ARID1A: variants seen among roughly 807,000 people sequenced by gnomAD.
ARID1A encodes AT-rich interaction domain 1A, also known as AT-rich interactive domain-containing protein 1A.
A neutral mutation model predicts 212.6 loss-of-function variants in ARID1A; 20 were observed. That is an observed-to-expected ratio of 0.09 (90% CI 0.07 to 0.14). The LOEUF is 0.14. Ranked by LOEUF, ARID1A falls within the 10% of genes least tolerant of loss-of-function variation. The probability of loss-of-function intolerance (pLI) is 1.00; values close to 1 mark genes in which losing one functional copy is unlikely to be tolerated. For missense variants in ARID1A, 2,587 were observed against 3,059.0 expected, an observed-to-expected ratio of 0.85 and a Z score of 3.64; for synonymous variants, 1,376 against 1,222.1, an observed-to-expected ratio of 1.13 and a Z score of -2.63.
chr1:26,715,568 G>T (rs2080494988), intron 1 of ARID1A, among the ~76,000 whole-genome samples: 1 of 152,126 alleles, frequency 6.6e-6, no homozygotes, highest in Non-Finnish European at 1.5e-5. Flanking sequence ...CATATATTGG[G>T]ATGCAGTATA....
intron 1 of ARID1A, among the ~76,000 whole-genome samples, chr1:26,715,655 A>C (rs2080495735): frequency 6.6e-6 from 1 of 152,194 alleles, no homozygotes; most frequent in African/African-American, 2.4e-5. Context: ...TTTTAGGATA[A>C]GAACTTTTTA....
chr1:26,739,946 C>G (rs1049087808), intron 4 of ARID1A, among the ~76,000 whole-genome samples: 6 of 151,030 alleles, frequency 4.0e-5, no homozygotes, highest in Non-Finnish European at 8.8e-5. Flanking sequence ...TTCCTCTTTT[C>G]CTTCCAAGTC....
Position 26,696,727 on chromosome 1 carries a change from C to T in ARID1A, c.324C>T (p.Gly108=), listed in dbSNP as rs1044003329. 1.7e-5 allele frequency: 24 copies of T among 1,374,644 alleles called. No homozygotes were observed. Among genetic ancestry groups the T allele is most frequent in the African/African-American group, 3.1e-5 (2 of 64,990 alleles). The allele number at this position is 1,374,644 out of a possible 1,614,324, so 85.2% of individuals were successfully genotyped here. A position where few individuals can be genotyped will look rare whatever the true frequency, so the allele number is the denominator to read the frequency against. Reference sequence around the variant, plus strand: ...TGAAGAACTCGAACGGGAACGCGGGCCCTAGGCCCGCCCTGAACAATAACC... The same window carrying T: ...TGAAGAACTCGAACGGGAACGCGGGTCCTAGGCCCGCCCTGAACAATAACC... The part of the protein sequence containing the change: ...PDLKNSNGNA[G]PRPALNNNLT... The change falls in exon 1 of 20, where the codon GGC becomes GGT. Residue 108 remains glycine, a synonymous_variant. Coordinates refer to ENST00000324856, the MANE Select transcript of ARID1A (RefSeq NM_006015.6).
chr1:26,732,579 A>T (rs2080690761), intron 3 of ARID1A, 97 bp from the exon 4 acceptor site: 11 of 946,482 alleles, frequency 1.2e-5, no homozygotes, highest in Admixed American at 2.1e-5. Flanking sequence ...TTTCTCTCAC[A>T]CTCATGAGAG....
In ARID1A at chr1:26,697,033, C is replaced by T. The variant is rs763109453; in HGVS notation, c.630C>T (p.His210=). Residue 210 remains histidine (H), a synonymous_variant, in exon 1 of 20, where the codon CAC becomes CAT. Transcript: ENST00000324856. ...CTCACGACCACGGCTTCCCCAACCA[C>T]CAGTACAACTCCTACTACCCCAACC... is the stretch of plus-strand genomic sequence containing the variant. The part of the protein sequence containing the change: ...QNSHDHGFPN[H]QYNSYYPNRS... 3.2e-6 allele frequency: 5 copies of T among 1,540,270 alleles called. No homozygotes were observed. The highest frequency in any genetic ancestry group is 4.4e-6 in the Non-Finnish European group (5 of 1,147,348).
rs1488861953 is a variant in ARID1A, at chr1:26,762,849, A to G, written c.2420-124A>G. 8.2e-6 allele frequency: 8 copies of G among 970,300 alleles called. 1 individual carries two copies. The East Asian group carries it at 2.2e-4, about 26-fold the overall frequency. The allele number at this position is 970,300 out of a possible 1,614,324, so 60.1% of individuals were successfully genotyped here. A position where few individuals can be genotyped will look rare whatever the true frequency, so the allele number is the denominator to read the frequency against. On this transcript the variant is annotated intron_variant, in intron 7 of 19. Coordinates refer to ENST00000324856, the MANE Select transcript of ARID1A (RefSeq NM_006015.6). ...CCTTTTTCTCATGGCGATAAAGGCT[A>G]CCATGAAGTTGATCTCTTTCCTAAC... is the stretch of plus-strand genomic sequence containing the variant.
At chr1:26,704,449 G>T (rs541096196) in intron 1 of ARID1A, among the ~76,000 whole-genome samples, 75 of 152,156 alleles carry the variant, frequency 4.9e-4, no homozygotes, top group Admixed American at 2.0e-4. Flanking sequence ...TATTTCTGAG[G>T]AGCTGGGAGC....
At position 26,736,669 on chromosome 1, in the gene ARID1A, G is replaced by A. The variant is rs572131022; in HGVS notation, c.1920+3877G>A. 8.3e-4 allele frequency among the ~76,000 whole-genome samples: 124 copies of A among 150,032 alleles called. 1 individual carries two copies. Among genetic ancestry groups the A allele is most frequent in the Non-Finnish European group, 1.4e-3 (97 of 67,646 alleles). ...AAAGGGCACAGTGGCTCAGGAGGCC[G>A]AGGCGGGCAAATCGCCTGAGGTCTG... On this transcript the variant is annotated intron_variant, in intron 4 of 19. Coordinates refer to ENST00000324856, the MANE Select transcript of ARID1A (RefSeq NM_006015.6).
rs374582065 is a variant in ARID1A at position 26,763,069 on chromosome 1, G to C, written c.2516G>C (p.Gly839Ala). ...GGCATAAACCCCATGGGTGCCGGAGGTCAAATGCATGGACAGCCTGGCATC... is the reference window on the plus strand; with the variant it reads ...GGCATAAACCCCATGGGTGCCGGAGCTCAAATGCATGGACAGCCTGGCATC... Reference protein sequence around the residue: ...AGGINPMGAGGQMHGQPGIPP... With the variant: ...AGGINPMGAGAQMHGQPGIPP... The change falls in exon 8 of 20, where the codon GGT (glycine) becomes GCT (alanine). Residue 839 changes from glycine (G) to alanine (A), a missense_variant. Gly to Ala is a moderately conservative substitution (Grantham distance 60, BLOSUM62 0). Coordinates refer to ENST00000324856, the MANE Select transcript of ARID1A (RefSeq NM_006015.6). The C allele has an allele frequency of 6.2e-7, 1 of 1,614,216 alleles. No homozygotes were observed. Among genetic ancestry groups the C allele is most frequent in the Non-Finnish European group, 8.5e-7 (1 of 1,180,030 alleles).
At position 26,731,623 on chromosome 1, in the gene ARID1A, C is replaced by T. The variant is rs746572503; in HGVS notation, c.1803+19C>T. 2 of 1,607,672 alleles carry T rather than the reference C, an allele frequency of 1.2e-6. No homozygotes were observed. Among genetic ancestry groups the T allele is most frequent in the Admixed American group, 1.7e-5 (1 of 59,874 alleles). ...ACCGCAGGTAAGATATCCCTGCCTC[C>T]TGCCCTTCCCTGTGTGTGACTACAG... is the stretch of plus-strand genomic sequence containing the variant. On this transcript the variant is annotated intron_variant, in intron 3 of 19. Transcript: ENST00000324856.
chr1:26,737,092 A>G (rs931018923), intron 4 of ARID1A, among the ~76,000 whole-genome samples: 6 of 151,880 alleles, frequency 4.0e-5, no homozygotes, highest in African/African-American at 9.7e-5. Flanking sequence ...CATTTTGCCA[A>G]TGCCCTCTAC....
intron 1 of ARID1A, among the ~76,000 whole-genome samples, chr1:26,706,328 C>A (rs1298790801): frequency 6.6e-6 from 1 of 152,140 alleles, no homozygotes; most frequent in Non-Finnish European, 1.5e-5. Context: ...TAAACTTGTT[C>A]GTTTTCAGCT....
chr1:26,728,154 T>C (rs1427385744), intron 1 of ARID1A, among the ~76,000 whole-genome samples: 1 of 152,202 alleles, frequency 6.6e-6, no homozygotes, highest in African/African-American at 2.4e-5. Flanking sequence ...TTACTATGAC[T>C]TTGTACAGTT....
At position 26,696,891 on chromosome 1, in the gene ARID1A, C is replaced by T. The variant is rs2080268991; in HGVS notation, c.488C>T (p.Ala163Val). Reference protein sequence around the residue: ...PYGRSPSAVAAAAAAVFHQQH... With the variant: ...PYGRSPSAVAVAAAAVFHQQH... ...GGCCGGAGCCCGTCTGCCGTCGCCG[C>T]CGCCGCGGCCGCCGTCTTCCACCAA... The change falls in exon 1 of 20, where the codon GCC becomes GTC. Residue 163 changes from alanine (A) to valine (V), a missense_variant. Physicochemically the swap from Ala to Val is moderately conservative, Grantham distance 64 (BLOSUM62 0). This residue lies in a region of ARID1A where 735 missense variants were observed against 590.6 expected (regional missense o/e 1.24). Coordinates refer to ENST00000324856, the MANE Select transcript of ARID1A (RefSeq NM_006015.6). 1 of 1,366,630 alleles carries T rather than the reference C, an allele frequency of 7.3e-7. No individual in the cohort carries two copies. The highest frequency in any genetic ancestry group is 3.9e-5 in the Admixed American group (1 of 25,572). 84.7% of individuals were successfully genotyped at this position (1,366,630 alleles called of 1,614,324 possible).
chr1:26,708,266 CTTTTTTTTTTTTTTTTTTTTTTTTTT>C (rs397860721), intron 1 of ARID1A, among the ~76,000 whole-genome samples: 9 of 23,740 alleles, frequency 3.8e-4, no homozygotes, highest in African/African-American at 1.3e-3. Context: ...CAGTCCTTCA[CTTTTTTTTTTTTTTTTTTTTTTTTTT>C]TTTTTTTTTT....
intron 1 of ARID1A, among the ~76,000 whole-genome samples, chr1:26,702,613 A>G (rs1473828073): frequency 6.6e-6 from 1 of 152,210 alleles, no homozygotes; most frequent in Non-Finnish European, 1.5e-5. Context: ...ATTAATAAAC[A>G]GTTTTCAAGC....
At chr1:26,739,162 C>G (rs1326119650) in intron 4 of ARID1A, among the ~76,000 whole-genome samples, 4 of 151,770 alleles carry the variant, frequency 2.6e-5, no homozygotes, top group African/African-American at 9.7e-5. Flanking sequence ...GCTGGGATTA[C>G]AGGCATGAGC....
At chr1:26,743,521 C>A (rs1570587205) in intron 4 of ARID1A, among the ~76,000 whole-genome samples, 1 of 151,894 alleles carries the variant, frequency 6.6e-6, no homozygotes. Context: ...GTGACAAATC[C>A]TCTCAATAAA....
chr1:26,731,425 C>G lies in ARID1A; in HGVS notation c.1624C>G (p.Gln542Glu), dbSNP rs1268688430. Residue 542 changes from glutamine (Q) to glutamate (E), a missense_variant, in exon 3 of 20, where the codon CAG becomes GAG. Physicochemically the swap from Gln to Glu is conservative, Grantham distance 29. Around this residue, in one of 11 missense-constraint regions of ARID1A, gnomAD observed 674 missense variants for 813.4 expected, o/e 0.83. Transcript: ENST00000324856. The stretch of plus-strand genomic sequence containing the variant: ...ATACCCCTCCCAGCAGTCGACGACA[C>G]AGCAGCACCCCCAGAGCCAGCCCCC... ...APYPSQQSTT[Q>E]QHPQSQPPYS... 6.2e-6 allele frequency: 10 copies of G among 1,613,994 alleles called. No homozygotes were observed. Among genetic ancestry groups the G allele is most frequent in the Non-Finnish European group, 8.5e-6 (10 of 1,180,000 alleles).
Sources: allele counts gnomAD v4.1 joint callset (sites outside exome capture counted in the v4.1 genomes callset), GRCh38; gene constraint gnomAD v4.1.1; regional missense constraint gnomAD v4.1.1; transcripts MANE v1.5; gene names NCBI Gene and HGNC (gene_info 2026-07-23, HGNC 2026-07-21).